Variants in CSMD3 observed in about 807,000 individuals in gnomAD.
CSMD3 encodes CUB and Sushi multiple domains 3, also known as CUB and sushi domain-containing protein 3.
Under a neutral mutation model 435.2 loss-of-function variants are expected in CSMD3, and 177 were observed. That is an observed-to-expected ratio of 0.41 (90% CI 0.36 to 0.46). The LOEUF is 0.46. Among genes scored for constraint, CSMD3 ranks in the 20% least tolerant of loss-of-function variants. The pLI is 0.34. For synonymous variants in CSMD3, 1,656 were observed against 1,520.5 expected, an observed-to-expected ratio of 1.09 and a Z score of -2.07; for missense variants, 4,265 against 4,504.6, an observed-to-expected ratio of 0.95 and a Z score of 1.52.
intron 32 of CSMD3, among the ~76,000 whole-genome samples, chr8:112,429,494 A>G (rs1309329402): frequency 6.6e-6 from 1 of 152,094 alleles, no homozygotes; most frequent in East Asian, 1.9e-4. Flanking sequence ...GACAGCCATT[A>G]AATATCAAAA....
intron 28 of CSMD3, among the ~76,000 whole-genome samples, chr8:112,512,520 T>A (rs1214348090): frequency 6.6e-6 from 1 of 152,216 alleles, no homozygotes; most frequent in Non-Finnish European, 1.5e-5. Context: ...ACAGTAGGTC[T>A]CAACAATGGG....
chr8:113,338,443 A>G (rs2094093596), intron 1 of CSMD3, among the ~76,000 whole-genome samples: 1 of 152,002 alleles, frequency 6.6e-6, no homozygotes, highest in African/African-American at 2.4e-5. Context: ...GAATGTTCAT[A>G]GTAGCATTAT....
intron 22 of CSMD3, among the ~76,000 whole-genome samples, chr8:112,629,452 A>T (rs1014672697): frequency 1.3e-5 from 2 of 152,298 alleles, no homozygotes; most frequent in African/African-American, 4.8e-5. Flanking sequence ...GATTAAAAAA[A>T]TCATTTGTTT....
chr8:112,660,565 A>AT (rs145106218), intron 17 of CSMD3, among the ~76,000 whole-genome samples: 2,155 of 151,696 alleles, frequency 0.014, 47 homozygotes, highest in African/African-American at 0.048. Context: ...ATATTTAAGG[A>AT]TTTTTTTTTC....
At chr8:112,725,232 A>G (rs1334018148) in intron 13 of CSMD3, among the ~76,000 whole-genome samples, 1 of 152,020 alleles carries the variant, frequency 6.6e-6, no homozygotes, top group East Asian at 1.9e-4. Context: ...GACTAAACAG[A>G]AAAAAGAAGG....
At chr8:113,428,101 A>G (rs1176018373) in intron 1 of CSMD3, among the ~76,000 whole-genome samples, 1 of 151,666 alleles carries the variant, frequency 6.6e-6, no homozygotes, top group African/African-American at 2.4e-5. Context: ...AGTATCTTTT[A>G]TATCTATTGT....
At chr8:112,371,272 T>A (rs1376811649) in intron 38 of CSMD3, among the ~76,000 whole-genome samples, 1 of 152,174 alleles carries the variant, frequency 6.6e-6, no homozygotes, top group Non-Finnish European at 1.5e-5. Context: ...AAAATATTGT[T>A]AGAATGCAGA....
At chr8:112,258,219 G>A (rs1362170139) in intron 61 of CSMD3, among the ~76,000 whole-genome samples, 1 of 152,038 alleles carries the variant, frequency 6.6e-6, no homozygotes, top group Non-Finnish European at 1.5e-5. Flanking sequence ...CATAGGCATC[G>A]GCAAAGACTT....
intron 3 of CSMD3, among the ~76,000 whole-genome samples, chr8:113,199,939 T>G (rs73346381): frequency 0.022 from 3,272 of 151,946 alleles, 128 homozygotes; most frequent in African/African-American, 0.075. Flanking sequence ...ACATGAGTAA[T>G]GAGAATAGTG....
At chr8:112,606,237 T>C (rs891700787) in intron 22 of CSMD3, among the ~76,000 whole-genome samples, 1 of 152,132 alleles carries the variant, frequency 6.6e-6, no homozygotes, top group African/African-American at 2.4e-5. Flanking sequence ...CTACAGCCCA[T>C]GATTTCTCCT....
At chr8:112,236,360 A>AT (rs1813598346) in intron 67 of CSMD3, among the ~76,000 whole-genome samples, 1 of 152,110 alleles carries the variant, frequency 6.6e-6, no homozygotes, top group Non-Finnish European at 1.5e-5. Flanking sequence ...GAAAATATTT[A>AT]TTGAGGCCTA....
chr8:112,722,052 T>C (rs1185127314), intron 13 of CSMD3, among the ~76,000 whole-genome samples: 1 of 151,760 alleles, frequency 6.6e-6, no homozygotes, highest in African/African-American at 2.4e-5. Flanking sequence ...AAGCCCATTA[T>C]ATGAAAAAAA....
intron 5 of CSMD3, among the ~76,000 whole-genome samples, chr8:113,039,803 C>T (rs145545189): frequency 0.013 from 2,007 of 152,286 alleles, 29 homozygotes; most frequent in Admixed American, 0.02. Flanking sequence ...TATGCCCGTA[C>T]TCCAAAATGA....
intron 1 of CSMD3, among the ~76,000 whole-genome samples, chr8:113,375,983 A>C (rs1312159049): frequency 6.6e-6 from 1 of 152,122 alleles, no homozygotes; most frequent in Admixed American, 6.6e-5. Flanking sequence ...GTCATACTGG[A>C]GCCCTGTCTA....
intron 6 of CSMD3, among the ~76,000 whole-genome samples, chr8:112,992,652 A>T (rs1166810884): frequency 6.6e-6 from 1 of 151,844 alleles, no homozygotes. Flanking sequence ...GTATTAGGGA[A>T]TTACAGGTTT....
chr8:113,415,714 A>G (rs1054693629), intron 1 of CSMD3, among the ~76,000 whole-genome samples: 4 of 152,116 alleles, frequency 2.6e-5, no homozygotes, highest in East Asian at 1.9e-4. Flanking sequence ...ATGATCCCTA[A>G]TTCTCCAAAA....
chr8:112,741,828 AC>A (rs2077318498), intron 13 of CSMD3, among the ~76,000 whole-genome samples: 4 of 106,550 alleles, frequency 3.8e-5, no homozygotes, highest in Non-Finnish European at 5.8e-5. Context: ...TAGATAGATA[AC>A]ACAAAAAGTT....
At chr8:112,908,124 T>C in intron 10 of CSMD3, among the ~76,000 whole-genome samples, 1 of 151,628 alleles carries the variant, frequency 6.6e-6, no homozygotes, top group Middle Eastern at 3.4e-3. Flanking sequence ...TTCTACCAAA[T>C]TTATTCATTA....
intron 1 of CSMD3, among the ~76,000 whole-genome samples, chr8:113,337,027 G>T (rs961897036): frequency 6.6e-6 from 1 of 152,048 alleles, no homozygotes. Context: ...TCAACTCAAC[G>T]GTTTTTTGTC....
Sources: allele counts gnomAD v4.1 joint callset (sites outside exome capture counted in the v4.1 genomes callset), GRCh38; gene constraint gnomAD v4.1.1; transcripts MANE v1.5; gene names NCBI Gene and HGNC (gene_info 2026-07-23, HGNC 2026-07-21).